Variants in TIAM2 observed in about 807,000 individuals in gnomAD.
The protein encoded by TIAM2 is TIAM Rac1 associated GEF 2.
In TIAM2, 80 loss-of-function variants were observed where a neutral mutation model predicts 152.9. The ratio of observed to expected loss-of-function variants is 0.52; its 90% confidence interval spans 0.44 to 0.63. The LOEUF (loss-of-function observed/expected upper bound fraction) is 0.63, where lower values mean the gene tolerates loss of function less well. TIAM2 is among the 30% of genes least tolerant of loss of function. The pLI is 0.00. For missense variants in TIAM2, 1,965 were observed against 2,120.1 expected (o/e 0.93, Z 1.44); for synonymous variants, 804 against 838.0 (o/e 0.96, Z 0.70).
intron 1 of TIAM2, chr6:155,005,325 T>G (rs958726721): frequency 1.1e-4 from 20 of 176,690 alleles, no homozygotes; most frequent in Non-Finnish European, 2.5e-4. Context: ...GAGAGTTTTT[T>G]GTTTTTGTTT....
intron 1 of TIAM2, among the ~76,000 whole-genome samples, chr6:155,065,107 C>T (rs1487772237): frequency 6.6e-6 from 1 of 152,106 alleles, no homozygotes; most frequent in Non-Finnish European, 1.5e-5. Context: ...GCACCCGACA[C>T]CACGCCCGGC....
chr6:155,054,007 T>C (rs1777382284), intron 1 of TIAM2, among the ~76,000 whole-genome samples: 1 of 152,020 alleles, frequency 6.6e-6, no homozygotes. Flanking sequence ...TCCCTGTCTC[T>C]ACTAAAAATA....
At chr6:155,150,299 T>C (rs547025272) in intron 7 of TIAM2, among the ~76,000 whole-genome samples, 46 of 152,298 alleles carry the variant, frequency 3.0e-4, no homozygotes, top group African/African-American at 1.1e-3. Context: ...AACATGAAAC[T>C]AAAGGTCATT....
intron 1 of TIAM2, among the ~76,000 whole-genome samples, chr6:155,045,338 A>G (rs1209745758): frequency 6.6e-6 from 1 of 151,806 alleles, no homozygotes; most frequent in African/African-American, 2.4e-5. Flanking sequence ...CTGGGATTAC[A>G]GGTGTGAGCC....
chr6:155,172,582 A>AT (rs1338246359), intron 9 of TIAM2, among the ~76,000 whole-genome samples: 1 of 128,132 alleles, frequency 7.8e-6, no homozygotes, highest in South Asian at 2.8e-4. Context: ...CTATTATTGT[A>AT]TTTTTTCTGT....
intron 12 of TIAM2, among the ~76,000 whole-genome samples, chr6:155,181,783 A>G (rs1780909814): frequency 1.3e-5 from 2 of 152,190 alleles, no homozygotes. Flanking sequence ...TGTGTTGTCT[A>G]TTTGTGACTG....
chr6:154,999,572 C>T (rs1361853873), intron 1 of TIAM2, among the ~76,000 whole-genome samples: 5 of 152,088 alleles, frequency 3.3e-5, no homozygotes, highest in Non-Finnish European at 5.9e-5. Flanking sequence ...AACAGAAAAG[C>T]GTAATGAAAA....
At chr6:155,171,601 C>G (rs1780589862) in intron 9 of TIAM2, among the ~76,000 whole-genome samples, 1 of 151,940 alleles carries the variant, frequency 6.6e-6, no homozygotes, top group Non-Finnish European at 1.5e-5. Flanking sequence ...CAAAACAAAC[C>G]CCCTAATATT....
In TIAM2 at chr6:155,148,128, CT is replaced by C. The variant is rs1391816595; in HGVS notation, c.1823del (p.Leu608GlnfsTer29). On this transcript the variant is annotated frameshift_variant, in exon 7 of 27. Coordinates refer to ENST00000682666, the MANE Select transcript of TIAM2 (RefSeq NM_012454.4). LOFTEE classifies it high-confidence loss of function. ...TGTGTAGGCCACCAGCCAGACAGATCTAGAAAACTGGGTCACTGCTGTACAC... is the reference window on the plus strand; with the variant it reads ...TGTGTAGGCCACCAGCCAGACAGATCAGAAAACTGGGTCACTGCTGTACAC... ...YLFQATSQTDLENWVTAVHSA... is the reference protein window; with the variant it reads ...YLFQATSQTDXENWVTAVHSA... The C allele has an allele frequency of 1.9e-6, 3 of 1,613,798 alleles. No individual in the cohort carries two copies. The highest frequency in any genetic ancestry group is 2.5e-6 in the Non-Finnish European group (3 of 1,180,042).
chr6:155,149,531 TGTG>T (rs1178178665), intron 7 of TIAM2, among the ~76,000 whole-genome samples: 14 of 152,242 alleles, frequency 9.2e-5, no homozygotes, highest in Admixed American at 7.2e-4. Context: ...GAATTTTACA[TGTG>T]GTGTTTTATT....
intron 14 of TIAM2, among the ~76,000 whole-genome samples, chr6:155,202,903 ATT>A (rs1166146549): frequency 7.5e-6 from 1 of 132,818 alleles, no homozygotes; most frequent in African/African-American, 2.8e-5. Context: ...AAAAAAAAAA[ATT>A]AGCCGGATGT....
chr6:155,146,459 C>T (rs546338740), intron 6 of TIAM2, among the ~76,000 whole-genome samples: 13 of 152,070 alleles, frequency 8.5e-5, no homozygotes, highest in Admixed American at 5.9e-4. Context: ...CCCTGTGACT[C>T]GAATGTGTGT....
Position 155,174,066 on chromosome 6 carries a change from G to T in TIAM2, c.2362-2750G>T, listed in dbSNP as rs1780702338. 6.6e-6 allele frequency among the ~76,000 whole-genome samples: 1 copy of T among 152,192 alleles called. No individual in the cohort carries two copies. The highest frequency in any genetic ancestry group is 2.4e-5 in the African/African-American group (1 of 41,446). On this transcript the variant is annotated intron_variant, in intron 9 of 26. Transcript: ENST00000682666. This position sits in a 1 kb window ranked among gnomAD's most constrained non-coding sequence, Gnocchi z 4.2. ...AACATGGTGTGTGGCTTAGAATAAT[G>T]GAAAGTAATCAGGAGATTTGGGTTG...
chr6:155,098,787 C>A (rs1343604879), intron 2 of TIAM2, among the ~76,000 whole-genome samples: 1 of 152,178 alleles, frequency 6.6e-6, no homozygotes, highest in Non-Finnish European at 1.5e-5. Context: ...AGTTTTAAAT[C>A]CACATTTTTA....
rs904591717 is a variant in TIAM2, at chr6:155,068,442, ATTT to A, written c.-208-21837_-208-21835del. Among the ~76,000 whole-genome samples the A allele has an allele frequency of 6.1e-5, 9 of 147,628 alleles. 1 individual carries two copies. The Admixed American group carries it at 6.1e-4, about 10-fold the overall frequency. ...CAGGAGACAGAAGTGGTTACAGTTA[ATTT>A]TTTTTTTTTGAGATAGAGTCTCCTC... On this transcript the variant is annotated intron_variant, in intron 1 of 26. Transcript: ENST00000682666.
At chr6:155,221,223 C>T (rs780970256) in intron 15 of TIAM2, among the ~76,000 whole-genome samples, 14 of 151,124 alleles carry the variant, frequency 9.3e-5, no homozygotes, top group Non-Finnish European at 1.3e-4. Context: ...TAGAGAGCAG[C>T]GCTGTGAGAG....
intron 15 of TIAM2, among the ~76,000 whole-genome samples, chr6:155,238,871 C>A (rs1204127987): frequency 1.3e-5 from 2 of 152,146 alleles, no homozygotes; most frequent in Non-Finnish European, 2.9e-5. Flanking sequence ...AATTGATGAC[C>A]ACTGAATTGA....
At chr6:155,099,044 G>C (rs187838721) in intron 2 of TIAM2, among the ~76,000 whole-genome samples, 2 of 152,178 alleles carry the variant, frequency 1.3e-5, no homozygotes, top group East Asian at 3.9e-4. Context: ...AAAATTAGTC[G>C]GGCGTGGTGG....
At chr6:155,053,748 GGAATGA>G (rs1214194793) in intron 1 of TIAM2, among the ~76,000 whole-genome samples, 28 of 152,148 alleles carry the variant, frequency 1.8e-4, no homozygotes, top group Non-Finnish European at 3.8e-4. Context: ...TGGGATTACA[GGAATGA>G]GCCACTACGC....
Sources: allele counts gnomAD v4.1 joint callset (sites outside exome capture counted in the v4.1 genomes callset), GRCh38; gene constraint gnomAD v4.1.1; non-coding constraint Gnocchi (gnomAD v3.1); transcripts MANE v1.5; gene names NCBI Gene and HGNC (gene_info 2026-07-23, HGNC 2026-07-21).